The following PDE8A variants were observed in gnomAD, a reference collection of about 807,000 sequenced individuals.
PDE8A encodes high affinity cAMP-specific and IBMX-insensitive 3',5'-cyclic phosphodiesterase 8A.
A neutral mutation model predicts 105.0 loss-of-function variants in PDE8A; 59 were observed. The ratio of observed to expected loss-of-function variants is 0.56; its 90% CI spans 0.46 to 0.70. The LOEUF (loss-of-function observed/expected upper bound fraction) is 0.70. PDE8A is among the 30% of genes least tolerant of loss of function. The pLI is 0.00. For missense variants in PDE8A, 1,014 were observed against 1,045.9 expected (o/e 0.97, Z 0.42); for synonymous variants, 355 against 371.9 (o/e 0.95, Z 0.52).
chr15:85,105,194 T>C lies in PDE8A; in HGVS notation c.1037-3859T>C, dbSNP rs143255817. Among the ~76,000 whole-genome samples, 81 of 152,176 alleles carry C rather than the reference T, an allele frequency of 5.3e-4. 3 individuals are homozygous for C. The East Asian group carries it at 0.012, about 23-fold the overall frequency. On this transcript the variant is annotated intron_variant, in intron 11 of 21. Coordinates refer to ENST00000394553, the MANE Select transcript of PDE8A (RefSeq NM_002605.3). Reference sequence around the variant, plus strand: ...GGGCTACCAGGGTTGGGGCCATTGTTAGAGGCCTCATAGATGATTGAAAAG... The same window carrying C: ...GGGCTACCAGGGTTGGGGCCATTGTCAGAGGCCTCATAGATGATTGAAAAG...
chr15:85,032,832 G>A (rs12906544), intron 1 of PDE8A, among the ~76,000 whole-genome samples: 21,181 of 152,082 alleles, frequency 0.14, 1,920 homozygotes, highest in Middle Eastern at 0.24. Flanking sequence ...ATGAGATTTC[G>A]GGTAATCACT....
intron 3 of PDE8A, among the ~76,000 whole-genome samples, chr15:85,071,004 T>G (rs1226780823): frequency 6.6e-6 from 1 of 151,598 alleles, no homozygotes; most frequent in Non-Finnish European, 1.5e-5. Flanking sequence ...AAAAAACCCA[T>G]GAAGAGGGAA....
intron 8 of PDE8A, among the ~76,000 whole-genome samples, chr15:85,094,421 G>A (rs2081705710): frequency 6.6e-6 from 1 of 152,116 alleles, no homozygotes; most frequent in South Asian, 2.1e-4. Flanking sequence ...GCCCCCTACT[G>A]TTGTCCCTCA....
At chr15:85,010,398 C>T (rs1419698987) in intron 1 of PDE8A, among the ~76,000 whole-genome samples, 1 of 152,164 alleles carries the variant, frequency 6.6e-6, no homozygotes, top group African/African-American at 2.4e-5. Flanking sequence ...GTTTGACTTC[C>T]TTTTTGCAAA....
intron 6 of PDE8A, among the ~76,000 whole-genome samples, chr15:85,084,420 C>A (rs1839813889): frequency 6.6e-6 from 1 of 152,118 alleles, no homozygotes; most frequent in Non-Finnish European, 1.5e-5. Context: ...TGCTGCTGAG[C>A]AGAGGTGTTT....
intron 6 of PDE8A, among the ~76,000 whole-genome samples, chr15:85,086,835 T>C (rs1596503851): frequency 6.6e-6 from 1 of 151,966 alleles, no homozygotes; most frequent in Admixed American, 6.5e-5. Flanking sequence ...ACTGCAACCT[T>C]CACCTCCCAG....
chr15:85,024,985 AAAAC>A (rs1241452643), intron 1 of PDE8A, among the ~76,000 whole-genome samples: 1 of 152,228 alleles, frequency 6.6e-6, no homozygotes, highest in Non-Finnish European at 1.5e-5. Flanking sequence ...ATCCAGATTA[AAAAC>A]AAACAAATTA....
intron 3 of PDE8A, among the ~76,000 whole-genome samples, chr15:85,074,236 G>A (rs1262865782): frequency 6.6e-6 from 1 of 152,192 alleles, no homozygotes; most frequent in Non-Finnish European, 1.5e-5. Flanking sequence ...AATCCCTACA[G>A]GCAAGAATGG....
At chr15:84,989,936 A>G (rs1390258845) in intron 1 of PDE8A, among the ~76,000 whole-genome samples, 1 of 152,192 alleles carries the variant, frequency 6.6e-6, no homozygotes, top group African/African-American at 2.4e-5. Context: ...TTTGTCTTAT[A>G]TCTGTCCACT....
intron 1 of PDE8A, among the ~76,000 whole-genome samples, chr15:84,985,050 A>G (rs1014148984): frequency 3.9e-5 from 6 of 152,188 alleles, no homozygotes; most frequent in African/African-American, 1.4e-4. Context: ...CTAATTTCTG[A>G]AAGTAATCTG....
chr15:85,005,833 T>TA (rs993478681), intron 1 of PDE8A, among the ~76,000 whole-genome samples: 36 of 148,112 alleles, frequency 2.4e-4, no homozygotes, highest in East Asian at 9.8e-4. Context: ...ATAATAAGTT[T>TA]AAAAAAAAAA....
chr15:85,039,561 C>G (rs887901195), intron 1 of PDE8A, among the ~76,000 whole-genome samples: 8 of 151,224 alleles, frequency 5.3e-5, no homozygotes, highest in Admixed American at 2.0e-4. Flanking sequence ...AAAAAAAAAA[C>G]TAAAAATAGA....
At chr15:85,064,012 G>A (rs1160757735) in intron 1 of PDE8A, 1 of 179,002 alleles carries the variant, frequency 5.6e-6, no homozygotes, top group East Asian at 1.5e-4. Flanking sequence ...CGTTTATTTA[G>A]TATCTATTAT....
Position 85,123,103 on chromosome 15 carries a change from C to G in PDE8A, c.1995C>G (p.Val665=), listed in dbSNP as rs150438579. ...TGCGCCAGGGGATTATCGACATGGT[C>G]TTAGCCACAGAAATGACAAAGCACT... ...RTLRQGIIDM[V]LATEMTKHFE... is the part of the protein sequence containing the mutation. The change falls in exon 19 of 22, where the codon GTC becomes GTG. Residue 665 remains valine (V), a synonymous_variant. Transcript: ENST00000394553. 1.5e-5 allele frequency: 24 copies of G among 1,613,880 alleles called. No individual in the cohort carries two copies. The African/African-American group carries it at 2.5e-4, about 17-fold the overall frequency.
chr15:85,047,529 C>T (rs574658307), intron 1 of PDE8A, among the ~76,000 whole-genome samples: 61 of 152,252 alleles, frequency 4.0e-4, no homozygotes, highest in African/African-American at 1.4e-3. Flanking sequence ...AGTAAGCGTT[C>T]AGTGGTAAAA....
intron 5 of PDE8A, among the ~76,000 whole-genome samples, chr15:85,081,454 C>T (rs1214491160): frequency 6.6e-6 from 1 of 152,154 alleles, no homozygotes; most frequent in Non-Finnish European, 1.5e-5. Flanking sequence ...TGGGAGAGGC[C>T]TAGCAAAGAT....
At position 85,066,994 on chromosome 15, in the gene PDE8A, T is replaced by TAAGAAATGACAATTCTAACA; in HGVS notation, c.244-20_244-19insAAGAAATGACAATTCTAACA. ...CTAACATCTTTTTTTAAAAAAAGTG[T>TAAGAAATGACAATTCTAACA]TTGTGCTCTTTTGATTCAGGTACTT... On this transcript the variant is annotated intron_variant, in intron 2 of 21. Coordinates refer to ENST00000394553, the MANE Select transcript of PDE8A (RefSeq NM_002605.3). 6.5e-7 allele frequency: 1 copy of TAAGAAATGACAATTCTAACA among 1,534,130 alleles called. No homozygotes were observed. Among genetic ancestry groups the TAAGAAATGACAATTCTAACA allele is most frequent in the Non-Finnish European group, 8.9e-7 (1 of 1,129,020 alleles).
At chr15:85,104,376 C>T (rs1200667165) in intron 11 of PDE8A, among the ~76,000 whole-genome samples, 1 of 152,054 alleles carries the variant, frequency 6.6e-6, no homozygotes, top group Non-Finnish European at 1.5e-5. Flanking sequence ...CATCGCGAAG[C>T]GAGGCTGGGG....
intron 1 of PDE8A, among the ~76,000 whole-genome samples, chr15:85,044,931 C>G (rs1023342829): frequency 1.3e-5 from 2 of 152,174 alleles, no homozygotes; most frequent in Admixed American, 1.3e-4. Context: ...TCGTATGACC[C>G]CTGCTTAGCT....
Sources: allele counts gnomAD v4.1 joint callset (sites outside exome capture counted in the v4.1 genomes callset), GRCh38; gene constraint gnomAD v4.1.1; transcripts MANE v1.5; gene names NCBI Gene and HGNC (gene_info 2026-07-23, HGNC 2026-07-21).